RLN2: variants seen among roughly 807,000 people sequenced by gnomAD.
RLN2 encodes prorelaxin H2.
A neutral mutation model predicts 7.3 loss-of-function variants in RLN2; 10 were observed. That is an observed-to-expected ratio of 1.36 (90% CI 0.84 to 2.31). The LOEUF (loss-of-function observed/expected upper bound fraction) is 2.31. Ranked by LOEUF, RLN2 falls within the 30% of genes most tolerant of loss-of-function variation. The probability of loss-of-function intolerance (pLI) is 0.00; values close to 1 mark genes in which losing one functional copy is unlikely to be tolerated. For missense variants in RLN2, 298 were observed against 217.6 expected, an observed-to-expected ratio of 1.37 and a Z score of -2.32; for synonymous variants, 103 against 82.3, an observed-to-expected ratio of 1.25 and a Z score of -1.36.
At chr9:5,337,785 AT>A in the RLN2 span, among the ~76,000 whole-genome samples, 9 of 152,170 alleles carry the variant, frequency 5.9e-5, no homozygotes, top group South Asian at 1.9e-3. Context: ...TTCTTTAAAA[AT>A]ACTTTGAAAT....
At chr9:5,306,102 G>GGTTTTTTT (rs1554618110), upstream of RLN2, among the ~76,000 whole-genome samples, 33 of 123,446 alleles carry the variant, frequency 2.7e-4, no homozygotes, top group African/African-American at 9.9e-4. Flanking sequence ...CTTTGTTTTT[G>GGTTTTTTT]TTTTTTGTTT....
the RLN2 span, chr9:5,335,160 TAATA>T: frequency 1.0e-5 from 7 of 687,888 alleles, no homozygotes; most frequent in Non-Finnish European, 1.7e-5. Context: ...TCTTATATTC[TAATA>T]ATTAGTGGGA....
chr9:5,308,729 G>A (rs1241523065), upstream of RLN2, among the ~76,000 whole-genome samples: 2 of 152,026 alleles, frequency 1.3e-5, no homozygotes, highest in Non-Finnish European at 2.9e-5. Context: ...GGCCTCACAT[G>A]GCCTGACCAC....
the RLN2 span, among the ~76,000 whole-genome samples, chr9:5,333,350 G>A: frequency 6.6e-6 from 1 of 151,966 alleles, no homozygotes; most frequent in African/African-American, 2.4e-5. Flanking sequence ...TACTACCACT[G>A]AACCCACAGA....
the RLN2 span, among the ~76,000 whole-genome samples, chr9:5,318,860 G>A: frequency 6.6e-6 from 1 of 151,808 alleles, no homozygotes; most frequent in African/African-American, 2.4e-5. Context: ...TTTTTTCTGG[G>A]TTGATTCCAA....
intron 1 of RLN2, among the ~76,000 whole-genome samples, chr9:5,300,679 C>G (rs1816101794): frequency 6.6e-6 from 1 of 152,218 alleles, no homozygotes; most frequent in Non-Finnish European, 1.5e-5. Flanking sequence ...TCTCTCGTCT[C>G]TCTTCATGAT....
chr9:5,323,370 C>G, the RLN2 span, among the ~76,000 whole-genome samples: 3 of 151,976 alleles, frequency 2.0e-5, no homozygotes, highest in African/African-American at 7.3e-5. Flanking sequence ...TTTTCCCTCT[C>G]CTACAGTAGT....
At chr9:5,319,023 G>A in the RLN2 span, among the ~76,000 whole-genome samples, 1 of 151,920 alleles carries the variant, frequency 6.6e-6, no homozygotes, top group South Asian at 2.1e-4. Flanking sequence ...CTTATAGTGA[G>A]ATACATTCTC....
the RLN2 span, among the ~76,000 whole-genome samples, chr9:5,321,858 C>T: frequency 6.6e-6 from 1 of 152,066 alleles, no homozygotes; most frequent in Non-Finnish European, 1.5e-5. Flanking sequence ...CCCTTGGTGT[C>T]AGCTGTGCTC....
the RLN2 span, among the ~76,000 whole-genome samples, chr9:5,330,637 CAAAAAAAA>C: frequency 1.3e-5 from 1 of 74,748 alleles, no homozygotes; most frequent in African/African-American, 5.3e-5. Context: ...GACTCCATCT[CAAAAAAAA>C]AAAAAAAAAA....
the RLN2 span, among the ~76,000 whole-genome samples, chr9:5,320,238 G>A: frequency 4.7e-5 from 7 of 148,218 alleles, no homozygotes; most frequent in African/African-American, 1.0e-4. Flanking sequence ...CGCCCTCCTC[G>A]GCCTCCCAAT....
At chr9:5,326,031 C>T in the RLN2 span, among the ~76,000 whole-genome samples, 3 of 151,850 alleles carry the variant, frequency 2.0e-5, no homozygotes, top group African/African-American at 4.8e-5. Flanking sequence ...TGAAGTCTGA[C>T]CCAAAAATTT....
chr9:5,335,799 G>A, the RLN2 span, among the ~76,000 whole-genome samples: 1 of 151,850 alleles, frequency 6.6e-6, no homozygotes, highest in Admixed American at 6.6e-5. Flanking sequence ...TTTTACCAAG[G>A]CTCTGCTTTA....
chr9:5,312,791 A>C, the RLN2 span, among the ~76,000 whole-genome samples: 6 of 151,434 alleles, frequency 4.0e-5, 1 homozygote, highest in African/African-American at 1.5e-4. Context: ...TCATTTGTCT[A>C]AAAATATTTT....
chr9:5,328,456 G>A, the RLN2 span, among the ~76,000 whole-genome samples: 1,036 of 152,144 alleles, frequency 6.8e-3, 30 homozygotes, highest in African/African-American at 0.024. Flanking sequence ...GGAAGTGACG[G>A]GGAGAATGGA....
the RLN2 span, among the ~76,000 whole-genome samples, chr9:5,327,391 G>C: frequency 6.6e-6 from 1 of 151,994 alleles, no homozygotes; most frequent in African/African-American, 2.4e-5. Context: ...TGTAAACAAA[G>C]AGGCTAGGAA....
chr9:5,327,271 C>T, the RLN2 span, among the ~76,000 whole-genome samples: 2 of 152,086 alleles, frequency 1.3e-5, no homozygotes, highest in Non-Finnish European at 2.9e-5. Flanking sequence ...AGGTCCCATG[C>T]CCAAGGAGCC....
chr9:5,326,153 T>C, the RLN2 span, among the ~76,000 whole-genome samples: 1 of 152,148 alleles, frequency 6.6e-6, no homozygotes, highest in Non-Finnish European at 1.5e-5. Flanking sequence ...TGGACCTTTT[T>C]AGTGTTCCTT....
At chr9:5,312,549 A>C in the RLN2 span, among the ~76,000 whole-genome samples, 2 of 152,114 alleles carry the variant, frequency 1.3e-5, no homozygotes, top group Non-Finnish European at 1.5e-5. Context: ...TCAGAGCATA[A>C]GATGAATACT....
Sources: gnomAD v4.1 joint callset for allele counts (sites outside exome capture counted in the v4.1 genomes callset) on GRCh38, gnomAD v4.1.1 for gene constraint, MANE v1.5 for transcripts, NCBI Gene and HGNC (gene_info 2026-07-23, HGNC 2026-07-21) for gene names.